The following VSNL1 variants were observed in gnomAD, a reference collection of about 807,000 sequenced individuals.
VSNL1 encodes the protein visinin-like protein 1.
VSNL1 carries 6 observed loss-of-function variants against 20.4 expected under a neutral mutation model. That is an observed-to-expected ratio of 0.29 (90% confidence interval 0.16 to 0.58). VSNL1 has a LOEUF of 0.58. Ranked by LOEUF, VSNL1 falls within the 20% of genes least tolerant of loss-of-function variation. The pLI is 0.90. For synonymous variants in VSNL1, 93 were observed against 86.4 expected, an observed-to-expected ratio of 1.08 and a Z score of -0.42; for missense variants, 100 against 234.5, an observed-to-expected ratio of 0.43 and a Z score of 3.75.
intron 2 of VSNL1, among the ~76,000 whole-genome samples, chr2:17,615,153 A>G (rs1488760431): frequency 6.6e-6 from 1 of 152,240 alleles, no homozygotes; most frequent in Non-Finnish European, 1.5e-5. Context: ...ATATATTAAT[A>G]GAAAGATGTG....
chr2:17,541,463 C>G (rs540266624), intron 1 of VSNL1: 1 of 152,292 alleles, frequency 6.6e-6, no homozygotes, highest in South Asian at 2.1e-4. Flanking sequence ...GCACATTTCT[C>G]TCAGTATTCA....
At position 17,649,334 on chromosome 2, in the gene VSNL1, C is replaced by A; in HGVS notation, c.163-76C>A. 4.2e-6 allele frequency: 6 copies of A among 1,431,728 alleles called. No individual in the cohort carries two copies. The South Asian group carries it at 5.9e-5, about 14-fold the overall frequency. 88.7% of individuals were successfully genotyped at this position (1,431,728 alleles called of 1,614,324 possible). The stretch of plus-strand genomic sequence containing the variant: ...ACAACGCCCAGGAGCACCTGTGATG[C>A]CGTCATTAGGAACCTACCTCGTCGC... On this transcript the variant is annotated intron_variant, in intron 2 of 3. Coordinates refer to ENST00000295156, the MANE Select transcript of VSNL1 (RefSeq NM_003385.5). This position sits in a 1 kb window ranked among gnomAD's most constrained non-coding sequence, Gnocchi z 6.4.
rs896609936 is a variant in VSNL1, at chr2:17,634,669, G to A, written c.163-14741G>A. Reference sequence around the variant, plus strand: ...GAATGAGCCTCTCAGGTCGTAGTAGGGTGAGGAGGAAAACAGGTATTTTTG... The same window carrying A: ...GAATGAGCCTCTCAGGTCGTAGTAGAGTGAGGAGGAAAACAGGTATTTTTG... On this transcript the variant is annotated intron_variant, in intron 2 of 3. Coordinates refer to ENST00000295156, the MANE Select transcript of VSNL1 (RefSeq NM_003385.5). The surrounding 1 kb of genome is among the most constrained non-coding windows in gnomAD (Gnocchi z 4.3). 1.3e-5 allele frequency among the ~76,000 whole-genome samples: 2 copies of A among 152,148 alleles called. No homozygotes were observed. Among genetic ancestry groups the A allele is most frequent in the African/African-American group, 4.8e-5 (2 of 41,430 alleles).
At chr2:17,577,480 C>T (rs746195724) in intron 1 of VSNL1, among the ~76,000 whole-genome samples, 1 of 152,160 alleles carries the variant, frequency 6.6e-6, no homozygotes, top group African/African-American at 2.4e-5. Flanking sequence ...GTCTGTATAG[C>T]TGGATCTATT....
At chr2:17,570,842 C>T (rs1035058896) in intron 1 of VSNL1, among the ~76,000 whole-genome samples, 1 of 152,046 alleles carries the variant, frequency 6.6e-6, no homozygotes, top group African/African-American at 2.4e-5. Flanking sequence ...GTCAGGAGTT[C>T]GAGGCCAACC....
intron 3 of VSNL1, among the ~76,000 whole-genome samples, chr2:17,653,344 G>C (rs1417366149): frequency 6.6e-6 from 1 of 152,190 alleles, no homozygotes. Context: ...TAGTGCACTT[G>C]TTTTGCTGCC....
rs1184238180 is a variant in VSNL1, at chr2:17,649,603, T to G, written c.356T>G (p.Val119Gly). ...DLDGDGKITR[V>G]EMLEIIEAIY... ...GATGGTGATGGCAAGATCACCCGAGTGGAGATGCTGGAGATCATCGAGGTG... is the reference window on the plus strand; with the variant it reads ...GATGGTGATGGCAAGATCACCCGAGGGGAGATGCTGGAGATCATCGAGGTG... Residue 119 changes from valine to glycine, a missense_variant, in exon 3 of 4, where the codon GTG becomes GGG. Coordinates refer to ENST00000295156, the MANE Select transcript of VSNL1 (RefSeq NM_003385.5). This position sits in a 1 kb window ranked among gnomAD's most constrained non-coding sequence, Gnocchi z 6.4. 1 of 1,613,866 alleles carries G rather than the reference T, an allele frequency of 6.2e-7. No homozygotes were observed. The highest frequency in any genetic ancestry group is 8.5e-7 in the Non-Finnish European group (1 of 1,179,966).
chr2:17,624,573 C>A (rs1482694126), intron 2 of VSNL1, among the ~76,000 whole-genome samples: 1 of 152,108 alleles, frequency 6.6e-6, no homozygotes, highest in Non-Finnish European at 1.5e-5. Context: ...AAGAGGGAGG[C>A]AGAAGGGAAG....
intron 1 of VSNL1, among the ~76,000 whole-genome samples, chr2:17,542,447 C>T (rs969815213): frequency 6.6e-6 from 1 of 152,144 alleles, no homozygotes; most frequent in Non-Finnish European, 1.5e-5. Context: ...TCCCTCAAAT[C>T]GGGTGTGGGG....
chr2:17,650,787 G>A (rs1666107502), intron 3 of VSNL1, among the ~76,000 whole-genome samples: 1 of 152,182 alleles, frequency 6.6e-6, no homozygotes, highest in Non-Finnish European at 1.5e-5. Flanking sequence ...CTGGGAAGCT[G>A]GCCTCGTTCA....
At chr2:17,631,958 C>G (rs1665641858) in intron 2 of VSNL1, among the ~76,000 whole-genome samples, 1 of 152,224 alleles carries the variant, frequency 6.6e-6, no homozygotes. Context: ...ATGATCTCAG[C>G]TCTCTACAGC....
chr2:17,643,297 G>A (rs747467863), intron 2 of VSNL1, among the ~76,000 whole-genome samples: 6 of 152,144 alleles, frequency 3.9e-5, no homozygotes, highest in Non-Finnish European at 5.9e-5. Flanking sequence ...AATGTCTCTC[G>A]TCTTCCCATC....
intron 2 of VSNL1, among the ~76,000 whole-genome samples, chr2:17,624,636 G>A (rs560708426): frequency 4.6e-5 from 7 of 152,270 alleles, no homozygotes; most frequent in Admixed American, 2.6e-4. Context: ...TTTTGAAGAA[G>A]GAGGAAGGGG....
At chr2:17,552,569 G>A (rs905974138) in intron 1 of VSNL1, among the ~76,000 whole-genome samples, 8 of 151,954 alleles carry the variant, frequency 5.3e-5, no homozygotes, top group Admixed American at 2.6e-4. Flanking sequence ...TTTCACTGCC[G>A]TCCCCATCCT....
At chr2:17,598,565 A>G (rs1251522598) in intron 2 of VSNL1, among the ~76,000 whole-genome samples, 1 of 152,226 alleles carries the variant, frequency 6.6e-6, no homozygotes, top group Non-Finnish European at 1.5e-5. Flanking sequence ...TATAAGTGAC[A>G]TTTTGAAAAA....
intron 1 of VSNL1, among the ~76,000 whole-genome samples, chr2:17,551,282 C>T (rs1014733327): frequency 2.0e-4 from 30 of 152,136 alleles, no homozygotes; most frequent in Admixed American, 9.8e-4. Context: ...GACAAAAGAA[C>T]GTATTACCCC....
chr2:17,569,289 A>T (rs144397276), intron 1 of VSNL1, among the ~76,000 whole-genome samples: 1 of 151,934 alleles, frequency 6.6e-6, no homozygotes, highest in East Asian at 1.9e-4. Context: ...CCTGGGCAAC[A>T]GAGCGAGACC....
intron 2 of VSNL1, among the ~76,000 whole-genome samples, chr2:17,614,043 A>G (rs1665154494): frequency 6.6e-6 from 1 of 152,200 alleles, no homozygotes. Flanking sequence ...CTGGTCGGAA[A>G]AGGCTTTCTG....
At chr2:17,564,639 T>C (rs1172625589) in intron 1 of VSNL1, among the ~76,000 whole-genome samples, 1 of 152,222 alleles carries the variant, frequency 6.6e-6, no homozygotes, top group Non-Finnish European at 1.5e-5. Flanking sequence ...AAATTTGTGT[T>C]AAACGGCTGT....
Sources: gnomAD v4.1 joint callset for allele counts (sites outside exome capture counted in the v4.1 genomes callset) on GRCh38, gnomAD v4.1.1 for gene constraint, Gnocchi (gnomAD v3.1) non-coding constraint, MANE v1.5 for transcripts, NCBI Gene and HGNC (gene_info 2026-07-23, HGNC 2026-07-21) for gene names.